The following NSMCE1 variants were observed in gnomAD, a reference collection of about 807,000 sequenced individuals.
NSMCE1 encodes the protein non-structural maintenance of chromosomes element 1 homolog.
In NSMCE1, 18 loss-of-function variants were observed where a neutral mutation model predicts 29.6. The ratio of observed to expected loss-of-function variants is 0.61; its 90% confidence interval spans 0.42 to 0.90. The LOEUF (loss-of-function observed/expected upper bound fraction) is 0.90, where lower values mean the gene tolerates loss of function less well. Among genes scored for constraint, NSMCE1 ranks in the 40% least tolerant of loss-of-function variants. The pLI is 0.00. For missense variants in NSMCE1, 314 were observed against 343.6 expected (o/e 0.91, Z 0.68); for synonymous variants, 124 against 133.4 (o/e 0.93, Z 0.49).
intron 2 of NSMCE1, among the ~76,000 whole-genome samples, chr16:27,237,940 CCGCTAT>C (rs1372602787): frequency 6.6e-6 from 1 of 152,196 alleles, no homozygotes; most frequent in East Asian, 1.9e-4. Flanking sequence ...CCCGTTCTCT[CCGCTAT>C]CGCCCTCTTT....
At chr16:27,268,634 T>G (rs1170168610) in intron 1 of NSMCE1, 72 bp downstream of exon 1, 2 of 152,724 alleles carry the variant, frequency 1.3e-5, no homozygotes, top group Admixed American at 6.5e-5. Flanking sequence ...CACCCCACCT[T>G]CCGTCCTCCC....
At chr16:27,251,300 A>C (rs2084033256) in intron 2 of NSMCE1, among the ~76,000 whole-genome samples, 1 of 150,898 alleles carries the variant, frequency 6.6e-6, no homozygotes, top group African/African-American at 2.4e-5. Flanking sequence ...CTTCCTATAA[A>C]AAACTTTCTG....
intron 1 of NSMCE1, among the ~76,000 whole-genome samples, chr16:27,259,812 G>A (rs75738267): frequency 2.2e-4 from 33 of 152,312 alleles, no homozygotes; most frequent in African/African-American, 7.7e-4. Context: ...GACTTCTAAA[G>A]AGCAACAAGT....
At chr16:27,236,860 A>G (rs1372695039) in intron 2 of NSMCE1, among the ~76,000 whole-genome samples, 1 of 152,250 alleles carries the variant, frequency 6.6e-6, no homozygotes, top group African/African-American at 2.4e-5. Context: ...ACGAAGGGTC[A>G]TCACAGGGCA....
At chr16:27,263,646 C>T (rs1001380658) in intron 1 of NSMCE1, among the ~76,000 whole-genome samples, 6 of 152,148 alleles carry the variant, frequency 3.9e-5, no homozygotes, top group Non-Finnish European at 7.3e-5. Context: ...ACCCCTATGA[C>T]GTGAGTTTAC....
rs2083768021 is a variant in NSMCE1 at position 27,232,038 on chromosome 16, T to C, written c.483+963A>G. On this transcript the variant is annotated intron_variant, in intron 5 of 7. Transcript: ENST00000361439. This position sits in a 1 kb window ranked among gnomAD's most constrained non-coding sequence, Gnocchi z 4.5. ...CCCCAGGAACTGAATTCGGGTCAGG[T>C]TCCTGGGACAGGCCCACCCTAAATA... Among the ~76,000 whole-genome samples the C allele has an allele frequency of 6.6e-6, 1 of 152,076 alleles. No individual in the cohort carries two copies. Among genetic ancestry groups the C allele is most frequent in the Non-Finnish European group, 1.5e-5 (1 of 68,002 alleles).
At chr16:27,231,272 G>T (rs942607665) in intron 5 of NSMCE1, among the ~76,000 whole-genome samples, 1 of 152,250 alleles carries the variant, frequency 6.6e-6, no homozygotes, top group Non-Finnish European at 1.5e-5. Context: ...TTATTGAGCA[G>T]TTGAGGTGCC....
intron 5 of NSMCE1, among the ~76,000 whole-genome samples, chr16:27,231,901 C>T (rs987745121): frequency 6.6e-6 from 1 of 152,190 alleles, no homozygotes; most frequent in Non-Finnish European, 1.5e-5. Context: ...GGGCAGCAGA[C>T]AGCCTCCAAG....
chr16:27,244,700 GC>G (rs1188585908), intron 2 of NSMCE1, among the ~76,000 whole-genome samples: 1 of 152,196 alleles, frequency 6.6e-6, no homozygotes, highest in Non-Finnish European at 1.5e-5. Flanking sequence ...CACACCCCAG[GC>G]CCGCTCTACC....
intron 2 of NSMCE1, among the ~76,000 whole-genome samples, chr16:27,251,314 C>T (rs1032299088): frequency 6.6e-6 from 1 of 151,266 alleles, no homozygotes; most frequent in Non-Finnish European, 1.5e-5. Flanking sequence ...CTTTCTGCTA[C>T]ATCACACCAG....
At chr16:27,231,434 C>T (rs967691533) in intron 5 of NSMCE1, among the ~76,000 whole-genome samples, 1 of 152,110 alleles carries the variant, frequency 6.6e-6, no homozygotes, top group Non-Finnish European at 1.5e-5. Context: ...GTCAGGAGTT[C>T]GAGACCAGCC....
At chr16:27,247,863 G>T (rs140975413) in intron 2 of NSMCE1, among the ~76,000 whole-genome samples, 3,219 of 151,716 alleles carry the variant, frequency 0.021, 112 homozygotes, top group African/African-American at 0.073. Flanking sequence ...GGAGGTGGAG[G>T]TTGCAGTGAG....
intron 2 of NSMCE1, among the ~76,000 whole-genome samples, chr16:27,255,534 G>A (rs2084078048): frequency 6.6e-6 from 1 of 152,154 alleles, no homozygotes; most frequent in Non-Finnish European, 1.5e-5. Flanking sequence ...TGGATACACA[G>A]AATTAAACAC....
chr16:27,260,000 C>T (rs951896315), intron 1 of NSMCE1, among the ~76,000 whole-genome samples: 4 of 152,044 alleles, frequency 2.6e-5, no homozygotes, highest in African/African-American at 4.8e-5. Flanking sequence ...AGCAGGTGCT[C>T]CCTAAAGGAA....
intron 2 of NSMCE1, among the ~76,000 whole-genome samples, chr16:27,237,357 C>T (rs2083837201): frequency 6.6e-6 from 1 of 152,202 alleles, no homozygotes; most frequent in South Asian, 2.1e-4. Flanking sequence ...GCGGCAGCCA[C>T]CTTGGATGGC....
intron 5 of NSMCE1, among the ~76,000 whole-genome samples, chr16:27,229,708 C>T (rs531546091): frequency 1.3e-5 from 2 of 152,302 alleles, no homozygotes; most frequent in South Asian, 4.1e-4. Context: ...TCCCGAGTAC[C>T]TGGGATTACA....
In NSMCE1 at chr16:27,225,191, G is replaced by C. The variant is rs375705324; in HGVS notation, c.767C>G (p.Ser256Trp). 6.2e-7 allele frequency: 1 copy of C among 1,607,206 alleles called. No homozygotes were observed. The highest frequency in any genetic ancestry group is 8.5e-7 in the Non-Finnish European group (1 of 1,176,110). The change falls in exon 8 of 8, where the codon TCG becomes TGG. Residue 256 changes from serine (S) to tryptophan (W), a missense_variant. Coordinates refer to ENST00000361439, the MANE Select transcript of NSMCE1 (RefSeq NM_145080.4). Reference sequence around the variant, plus strand: ...CCTGGACCGCAGGGACTTTTTGTTCGATTTCAAGACACCAGACTCCCTCTC... The same window carrying C: ...CCTGGACCGCAGGGACTTTTTGTTCCATTTCAAGACACCAGACTCCCTCTC... ...EKERESGVLK[S>W]NKKSLRSRQH
At chr16:27,260,748 A>G (rs530450413) in intron 1 of NSMCE1, among the ~76,000 whole-genome samples, 69 of 150,522 alleles carry the variant, frequency 4.6e-4, no homozygotes, top group African/African-American at 1.7e-3. Flanking sequence ...AGTCCCAGCT[A>G]TTTAGGAGGC....
chr16:27,225,805 G>A lies in NSMCE1; in HGVS notation c.642C>T (p.Pro214=), dbSNP rs766429834. Residue 214 remains proline, a synonymous_variant, in exon 7 of 8, where the codon CCC becomes CCT. Transcript: ENST00000361439. ...CETCGIRMHL[P]CVAKYFQSNA... is the part of the protein sequence containing the mutation. ...TCGACTGGAAGTACTTGGCCACGCAGGGTAAGTGCATCCTGATCCCACAGG... is the reference window on the plus strand; with the variant it reads ...TCGACTGGAAGTACTTGGCCACGCAAGGTAAGTGCATCCTGATCCCACAGG... 4 of 1,614,160 alleles carry A rather than the reference G, an allele frequency of 2.5e-6. No homozygotes were observed. The South Asian group carries it at 3.3e-5, about 13-fold the overall frequency.
Sources: gnomAD v4.1 joint callset for allele counts (sites outside exome capture counted in the v4.1 genomes callset) on GRCh38, gnomAD v4.1.1 for gene constraint, Gnocchi (gnomAD v3.1) non-coding constraint, MANE v1.5 for transcripts, NCBI Gene and HGNC (gene_info 2026-07-23, HGNC 2026-07-21) for gene names.